Variants in MAGI1 observed in about 807,000 individuals in gnomAD.
MAGI1 encodes membrane associated guanylate kinase, WW and PDZ domain containing 1, also known as membrane-associated guanylate kinase, WW and PDZ domain-containing protein 1.
MAGI1 carries 58 observed loss-of-function variants against 139.9 expected under a neutral mutation model. The ratio of observed to expected loss-of-function variants is 0.41; its 90% CI spans 0.34 to 0.52. The LOEUF is 0.52. Ranked by LOEUF, MAGI1 falls within the 20% of genes least tolerant of loss-of-function variation. The pLI, the probability that MAGI1 is intolerant of heterozygous loss-of-function variation, is 0.12. For missense variants in MAGI1, 1,874 were observed against 1,901.6 expected, an observed-to-expected ratio of 0.99 and a Z score of 0.27; for synonymous variants, 812 against 737.9, an observed-to-expected ratio of 1.10 and a Z score of -1.63.
chr3:65,814,222 T>C (rs1357844120), intron 1 of MAGI1, among the ~76,000 whole-genome samples: 1 of 152,124 alleles, frequency 6.6e-6, no homozygotes, highest in East Asian at 1.9e-4. Flanking sequence ...TAATAGTGGG[T>C]ATCCTTCTTT....
At chr3:65,998,190 C>G (rs1031359317) in intron 1 of MAGI1, among the ~76,000 whole-genome samples, 1 of 151,964 alleles carries the variant, frequency 6.6e-6, no homozygotes, top group Non-Finnish European at 1.5e-5. Context: ...CTCCCCCAGC[C>G]TTCATGGGAA....
intron 1 of MAGI1, among the ~76,000 whole-genome samples, chr3:65,812,687 A>G (rs2108207168): frequency 6.7e-6 from 1 of 148,362 alleles, no homozygotes; most frequent in Non-Finnish European, 1.5e-5. Flanking sequence ...CTGACTGGTT[A>G]AAGTTAGTTT....
chr3:65,740,396 T>G (rs1421708702), intron 1 of MAGI1, among the ~76,000 whole-genome samples: 1 of 152,190 alleles, frequency 6.6e-6, no homozygotes, highest in African/African-American at 2.4e-5. Context: ...CTTGGAATTG[T>G]TAATGAGCTT....
intron 1 of MAGI1, among the ~76,000 whole-genome samples, chr3:65,990,913 G>A (rs1439009456): frequency 6.6e-6 from 1 of 152,100 alleles, no homozygotes; most frequent in Admixed American, 6.6e-5. Flanking sequence ...CTTGAGCCCA[G>A]GAGTTTGAGC....
chr3:65,830,549 T>G (rs148304571), intron 1 of MAGI1, among the ~76,000 whole-genome samples: 389 of 152,294 alleles, frequency 2.6e-3, no homozygotes, highest in African/African-American at 8.8e-3. Context: ...TGGACACTAT[T>G]TCACACCAGA....
At chr3:65,783,103 T>A (rs57682463) in intron 1 of MAGI1, among the ~76,000 whole-genome samples, 3 of 151,682 alleles carry the variant, frequency 2.0e-5, no homozygotes, top group African/African-American at 7.3e-5. Context: ...GGCAACCTAC[T>A]GGGGGAAATA....
At chr3:65,520,789 T>C (rs1387189555) in intron 2 of MAGI1, among the ~76,000 whole-genome samples, 1 of 152,180 alleles carries the variant, frequency 6.6e-6, no homozygotes, top group African/African-American at 2.4e-5. Flanking sequence ...TTTATTAAGA[T>C]GTCATAGGAT....
chr3:65,879,575 C>T (rs2108519754), intron 1 of MAGI1, among the ~76,000 whole-genome samples: 1 of 152,240 alleles, frequency 6.6e-6, no homozygotes, highest in African/African-American at 2.4e-5. Flanking sequence ...TATGTGCTGG[C>T]TGTGTGTTCT....
chr3:65,386,388 C>G (rs1943452958), intron 14 of MAGI1, among the ~76,000 whole-genome samples: 1 of 152,282 alleles, frequency 6.6e-6, no homozygotes, highest in African/African-American at 2.4e-5. Context: ...AAAACACAGA[C>G]ATAAACGTCG....
chr3:65,812,699 C>CTTTTTTTTT (rs539502538), intron 1 of MAGI1, among the ~76,000 whole-genome samples: 7 of 72,892 alleles, frequency 9.6e-5, no homozygotes, highest in Non-Finnish European at 1.7e-4. Flanking sequence ...AGTTAGTTTA[C>CTTTTTTTTT]TTTTTTTTTT....
chr3:65,377,798 G>T (rs574900583), intron 17 of MAGI1, among the ~76,000 whole-genome samples: 2 of 152,310 alleles, frequency 1.3e-5, no homozygotes, highest in East Asian at 1.9e-4. Flanking sequence ...AGTAATAGGC[G>T]TTTGTTACTG....
At chr3:65,427,203 T>G (rs887849049) in intron 12 of MAGI1, among the ~76,000 whole-genome samples, 1 of 151,978 alleles carries the variant, frequency 6.6e-6, no homozygotes, top group Non-Finnish European at 1.5e-5. Context: ...TCTCAGCTAC[T>G]TGGGGGGCTA....
At chr3:65,897,902 A>G (rs982999766) in intron 1 of MAGI1, among the ~76,000 whole-genome samples, 11 of 151,672 alleles carry the variant, frequency 7.3e-5, no homozygotes, top group Non-Finnish European at 1.6e-4. Flanking sequence ...GGGGGGAAAA[A>G]AAAAACTTAA....
intron 1 of MAGI1, among the ~76,000 whole-genome samples, chr3:65,845,307 T>C (rs1050736453): frequency 5.3e-5 from 8 of 151,910 alleles, no homozygotes; most frequent in African/African-American, 1.9e-4. Flanking sequence ...AAGCAATCCT[T>C]GGGCACATAG....
chr3:65,645,226 T>G (rs185896095), intron 1 of MAGI1, among the ~76,000 whole-genome samples: 1 of 151,838 alleles, frequency 6.6e-6, no homozygotes, highest in South Asian at 2.1e-4. Context: ...AAACCCAAAA[T>G]AGAATGTTTT....
chr3:65,419,605 T>G (rs1201268106), intron 12 of MAGI1, among the ~76,000 whole-genome samples: 1 of 152,200 alleles, frequency 6.6e-6, no homozygotes, highest in Non-Finnish European at 1.5e-5. Context: ...TCAAATGGGC[T>G]TTCACAATTA....
intron 2 of MAGI1, among the ~76,000 whole-genome samples, chr3:65,530,676 T>TAC (rs1228480313): frequency 1.5e-5 from 2 of 136,100 alleles, no homozygotes; most frequent in African/African-American, 5.9e-5. Flanking sequence ...TATATATACA[T>TAC]ATATATATAC....
At chr3:65,786,534 C>T (rs1467170642) in intron 1 of MAGI1, among the ~76,000 whole-genome samples, 1 of 151,658 alleles carries the variant, frequency 6.6e-6, no homozygotes, top group African/African-American at 2.4e-5. Flanking sequence ...AACTCCTGGG[C>T]TTAAGCAATC....
chr3:65,837,381 G>C (rs2058661630), intron 1 of MAGI1, among the ~76,000 whole-genome samples: 1 of 152,154 alleles, frequency 6.6e-6, no homozygotes, highest in African/African-American at 2.4e-5. Context: ...ATGAAAATAG[G>C]GATGGTTGAT....
Sources: gnomAD v4.1 joint callset for allele counts (sites outside exome capture counted in the v4.1 genomes callset) on GRCh38, gnomAD v4.1.1 for gene constraint, MANE v1.5 for transcripts, NCBI Gene and HGNC (gene_info 2026-07-23, HGNC 2026-07-21) for gene names.